JAZF1: variants seen among roughly 807,000 people sequenced by gnomAD.
JAZF1 encodes JAZF zinc finger 1, also known as juxtaposed with another zinc finger protein 1.
JAZF1 carries 8 observed loss-of-function variants against 26.4 expected under a neutral mutation model. The observed-to-expected ratio is 0.30, with a 90% confidence interval of 0.18 to 0.55. The LOEUF is 0.55. JAZF1 is among the 20% of genes least tolerant of loss of function. The pLI is 0.94. For missense variants in JAZF1, 199 were observed against 322.0 expected (o/e 0.62, Z 2.92); for synonymous variants, 126 against 122.3 (o/e 1.03, Z -0.20).
intron 1 of JAZF1, among the ~76,000 whole-genome samples, chr7:28,063,857 GAATA>G (rs1212861675): frequency 1.3e-5 from 2 of 152,142 alleles, no homozygotes; most frequent in African/African-American, 2.4e-5. Flanking sequence ...GAGGTTGCCT[GAATA>G]AATAGTTTCC....
chr7:28,120,827 A>C (rs1782591006), intron 1 of JAZF1, among the ~76,000 whole-genome samples: 1 of 151,972 alleles, frequency 6.6e-6, no homozygotes, highest in South Asian at 2.1e-4. Context: ...GACCTAGACA[A>C]TGCTAATAAA....
At chr7:28,087,759 G>A (rs1583553181) in intron 1 of JAZF1, among the ~76,000 whole-genome samples, 1 of 152,292 alleles carries the variant, frequency 6.6e-6, no homozygotes, top group East Asian at 1.9e-4. Flanking sequence ...AGAATGCAAG[G>A]AGGAGGTCAT....
At chr7:27,990,192 C>A (rs1186502308) in intron 2 of JAZF1, among the ~76,000 whole-genome samples, 4 of 152,098 alleles carry the variant, frequency 2.6e-5, no homozygotes, top group Non-Finnish European at 5.9e-5. Context: ...GGACAGAAAA[C>A]CAAACACCGC....
intron 1 of JAZF1, among the ~76,000 whole-genome samples, chr7:27,993,428 G>A (rs1373785095): frequency 2.6e-5 from 4 of 152,146 alleles, no homozygotes; most frequent in Non-Finnish European, 4.4e-5. Flanking sequence ...CACTCTTCAC[G>A]GGGAAACGCA....
At chr7:27,911,516 C>G (rs1343514504) in intron 2 of JAZF1, among the ~76,000 whole-genome samples, 1 of 152,124 alleles carries the variant, frequency 6.6e-6, no homozygotes. Flanking sequence ...CTATGAACAC[C>G]TGAAATGTGG....
chr7:28,043,202 T>C (rs1011429229), intron 1 of JAZF1, among the ~76,000 whole-genome samples: 1 of 152,196 alleles, frequency 6.6e-6, no homozygotes, highest in Admixed American at 6.5e-5. Flanking sequence ...GCCAATAAAC[T>C]GGCGAGCCAA....
At chr7:27,889,119 G>T (rs568064608) in intron 3 of JAZF1, among the ~76,000 whole-genome samples, 27 of 152,330 alleles carry the variant, frequency 1.8e-4, no homozygotes, top group African/African-American at 6.5e-4. Flanking sequence ...AACTCTGGTT[G>T]TAGAACTACC....
Position 28,163,204 on chromosome 7 carries a change from G to A in JAZF1, c.115+17259C>T, listed in dbSNP as rs1317720495. Among the ~76,000 whole-genome samples, 6 of 152,178 alleles carry A rather than the reference G, an allele frequency of 3.9e-5. No individual in the cohort carries two copies. The South Asian group carries it at 1.2e-3, about 31-fold the overall frequency. On this transcript the variant is annotated intron_variant, in intron 1 of 4. Transcript: ENST00000283928. ...TATCCTATTCCTCAGTTTGCACATGGAAAAATCATACCTTAGTAAGTTGCC... is the reference window on the plus strand; with the variant it reads ...TATCCTATTCCTCAGTTTGCACATGAAAAAATCATACCTTAGTAAGTTGCC...
chr7:28,046,554 T>C lies in JAZF1; in HGVS notation c.116-54573A>G, dbSNP rs148714368. Among the ~76,000 whole-genome samples, 194 of 152,328 alleles carry C rather than the reference T, an allele frequency of 1.3e-3. 8 individuals carry two copies. In the East Asian group the frequency reaches 0.035, roughly 27 times the overall value. ...CTGTTAGGTCAAAAATAGTATGGTT[T>C]AAGTTTGGATAGGTGTTACCCTCCT... is the stretch of plus-strand genomic sequence containing the variant. On this transcript the variant is annotated intron_variant, in intron 1 of 4. Transcript: ENST00000283928.
intron 3 of JAZF1, chr7:27,841,458 T>G (rs759388371): frequency 6.6e-6 from 1 of 152,394 alleles, no homozygotes; most frequent in Non-Finnish European, 1.5e-5. Flanking sequence ...GCAAGAGGCA[T>G]AGAAGGCCAG....
At position 27,916,713 on chromosome 7, in the gene JAZF1, G is replaced by A. The variant is rs56014132; in HGVS notation, c.189-21297C>T. Among the ~76,000 whole-genome samples, 226 of 152,252 alleles carry A rather than the reference G, an allele frequency of 1.5e-3. 1 individual carries two copies. Among genetic ancestry groups the A allele is most frequent in the Admixed American group, 1.7e-3 (26 of 15,280 alleles). Reference sequence around the variant, plus strand: ...AAAAAGCTCAAAATGCAAACAACATGGCACTAAATACAGTGTGAAAAGGAC... The same window carrying A: ...AAAAAGCTCAAAATGCAAACAACATAGCACTAAATACAGTGTGAAAAGGAC... On this transcript the variant is annotated intron_variant, in intron 2 of 4. Coordinates refer to ENST00000283928, the MANE Select transcript of JAZF1 (RefSeq NM_175061.4).
At chr7:27,937,204 G>A (rs939372738) in intron 2 of JAZF1, among the ~76,000 whole-genome samples, 3 of 152,110 alleles carry the variant, frequency 2.0e-5, no homozygotes, top group African/African-American at 7.2e-5. Flanking sequence ...GAGCTCTTAT[G>A]TCCACAACAT....
chr7:27,902,572 G>A (rs1309087699), intron 2 of JAZF1, among the ~76,000 whole-genome samples: 4 of 152,104 alleles, frequency 2.6e-5, no homozygotes, highest in South Asian at 4.1e-4. Context: ...CTAGCCTTTC[G>A]GTGCTGCCAT....
intron 1 of JAZF1, among the ~76,000 whole-genome samples, chr7:28,138,948 C>T (rs1223292595): frequency 6.6e-6 from 1 of 152,200 alleles, no homozygotes; most frequent in Non-Finnish European, 1.5e-5. Flanking sequence ...TGTACCAACA[C>T]ATAAATATGA....
intron 1 of JAZF1, among the ~76,000 whole-genome samples, chr7:28,108,341 C>T (rs968629912): frequency 6.6e-6 from 1 of 152,146 alleles, no homozygotes; most frequent in Non-Finnish European, 1.5e-5. Context: ...CACTGGCATC[C>T]TAGTTTCAAA....
chr7:27,930,326 T>C (rs79430210), intron 2 of JAZF1, among the ~76,000 whole-genome samples: 9,624 of 152,220 alleles, frequency 0.063, 806 homozygotes, highest in East Asian at 0.29. Context: ...TGAACATATA[T>C]TACTTTTTGA....
intron 2 of JAZF1, among the ~76,000 whole-genome samples, chr7:27,968,568 C>T (rs2128359027): frequency 6.6e-6 from 1 of 152,268 alleles, no homozygotes; most frequent in Non-Finnish European, 1.5e-5. Context: ...GAAAATAAGA[C>T]CTTGATGTCT....
chr7:28,157,932 C>G (rs1335070076), intron 1 of JAZF1, among the ~76,000 whole-genome samples: 26 of 151,816 alleles, frequency 1.7e-4, no homozygotes, highest in Non-Finnish European at 1.5e-5. Context: ...ATGGTCTCCT[C>G]CTAAGTTTCT....
intron 1 of JAZF1, among the ~76,000 whole-genome samples, chr7:28,074,581 T>C (rs1330966634): frequency 6.6e-6 from 1 of 152,166 alleles, no homozygotes; most frequent in African/African-American, 2.4e-5. Context: ...TCAAAAAAGA[T>C]TTGTGGCTTA....
Sources: gnomAD v4.1 joint callset for allele counts (sites outside exome capture counted in the v4.1 genomes callset) on GRCh38, gnomAD v4.1.1 for gene constraint, MANE v1.5 for transcripts, NCBI Gene and HGNC (gene_info 2026-07-23, HGNC 2026-07-21) for gene names.